TMEM230: variants seen among roughly 807,000 people sequenced by gnomAD.
The protein encoded by TMEM230 is transmembrane protein 230, also known as UPF0414 transmembrane protein C20orf30.
In TMEM230, 10 loss-of-function variants were observed where a neutral mutation model predicts 15.8. That is an observed-to-expected ratio of 0.63 (90% CI 0.39 to 1.07). TMEM230 has a LOEUF of 1.07. Ranked by LOEUF, TMEM230 falls within the 50% of genes least tolerant of loss-of-function variation. TMEM230 has a pLI of 0.01. For synonymous variants in TMEM230, 67 were observed against 76.9 expected, an observed-to-expected ratio of 0.87 and a Z score of 0.68; for missense variants, 165 against 193.3, an observed-to-expected ratio of 0.85 and a Z score of 0.87.
chr20:5,088,048 C>T (rs1240015585), intron 3 of TMEM230, among the ~76,000 whole-genome samples: 1 of 149,954 alleles, frequency 6.7e-6, no homozygotes, highest in Non-Finnish European at 1.5e-5. Flanking sequence ...GTGGCTCACG[C>T]CTGTAATCCC....
intron 3 of TMEM230, among the ~76,000 whole-genome samples, chr20:5,086,407 C>T (rs1399403796): frequency 2.0e-5 from 3 of 151,450 alleles, no homozygotes; most frequent in Non-Finnish European, 4.4e-5. Context: ...GGCGTGGTGG[C>T]GTGCGCCTGT....
intron 3 of TMEM230, among the ~76,000 whole-genome samples, chr20:5,089,103 G>A (rs2089437520): frequency 6.6e-6 from 1 of 152,146 alleles, no homozygotes; most frequent in African/African-American, 2.4e-5. Context: ...AGCTGGGTGT[G>A]GTGGCTCACG....
chr20:5,085,532 G>A (rs1158796589), intron 3 of TMEM230, among the ~76,000 whole-genome samples: 1 of 152,068 alleles, frequency 6.6e-6, no homozygotes, highest in Non-Finnish European at 1.5e-5. Context: ...CAAGTGACCT[G>A]CTCGCCTCGG....
At chr20:5,099,222 A>G (rs2089756779), downstream of TMEM230, among the ~76,000 whole-genome samples, 1 of 106,254 alleles carries the variant, frequency 9.4e-6, no homozygotes, top group Non-Finnish European at 1.8e-5. Context: ...AAATAAATAA[A>G]TAAATAAATA....
At chr20:5,089,553 T>A (rs1164439473) in intron 3 of TMEM230, among the ~76,000 whole-genome samples, 1 of 150,590 alleles carries the variant, frequency 6.6e-6, no homozygotes, top group Non-Finnish European at 1.5e-5. Flanking sequence ...ATACAAAAAT[T>A]ATCTGGGTGT....
downstream of TMEM230, among the ~76,000 whole-genome samples, chr20:5,096,369 T>C (rs55948698): frequency 1.8e-4 from 27 of 152,258 alleles, no homozygotes. Flanking sequence ...ATCCCCACTT[T>C]AGAAGGAAAC....
chr20:5,104,033 GAATT>G (rs1207705725), intron 4 of TMEM230, among the ~76,000 whole-genome samples: 1 of 152,032 alleles, frequency 6.6e-6, no homozygotes, highest in Admixed American at 6.6e-5. Flanking sequence ...ATCTGACAAG[GAATT>G]AATAACCAGA....
exon 4 of TMEM230, chr20:5,068,870 A>T (rs564861608): frequency 4.1e-6 from 1 of 244,868 alleles, no homozygotes; most frequent in Non-Finnish European, 8.0e-6. Flanking sequence ...TCTCTTCAGC[A>T]TCGCTCTCAG....
chr20:5,073,866 A>G (rs2122557054), intron 3 of TMEM230, among the ~76,000 whole-genome samples: 1 of 152,326 alleles, frequency 6.6e-6, no homozygotes. Context: ...CTGGGAATTT[A>G]TAAAGAATAG....
At chr20:5,061,081 A>G in the TMEM230 span, 6 of 152,222 alleles carry the variant, frequency 3.9e-5, no homozygotes, top group Non-Finnish European at 8.8e-5. Context: ...TAAAAAACAC[A>G]ATACAGCCTG....
In TMEM230 at chr20:5,081,888, TTTTTA is replaced by T. The variant is rs1211594698; in HGVS notation, c.223-12544_223-12540del. Among the ~76,000 whole-genome samples the T allele has an allele frequency of 2.3e-4, 35 of 149,920 alleles. 1 individual carries two copies. The highest frequency in any genetic ancestry group is 8.7e-4 in the African/African-American group (35 of 40,404). ...TCTTTTTTTTCTTTTTTTTTTTTTT[TTTTTA>T]GACAGAGTCTTGCTGTGTCACCCAG... is the stretch of plus-strand genomic sequence containing the variant. On this transcript the variant is annotated intron_variant, in intron 3 of 3. Transcript: ENST00000612323.
chr20:5,064,619 C>G (rs6038052), downstream of TMEM230, among the ~76,000 whole-genome samples: 56 of 151,942 alleles, frequency 3.7e-4, no homozygotes, highest in Non-Finnish European at 7.5e-4. Flanking sequence ...AATTTTCTAC[C>G]TAGGAGGCTG....
chr20:5,081,868 T>C (rs1304708258), intron 3 of TMEM230, among the ~76,000 whole-genome samples: 13 of 40,606 alleles, frequency 3.2e-4, no homozygotes, highest in African/African-American at 7.5e-4. Context: ...GATTTTCTTT[T>C]TTTTCTTTTT....
At chr20:5,089,575 C>T (rs1427996284) in intron 3 of TMEM230, among the ~76,000 whole-genome samples, 1 of 151,952 alleles carries the variant, frequency 6.6e-6, no homozygotes, top group African/African-American at 2.4e-5. Context: ...GTGGCACAGG[C>T]TTGTAATCCC....
At chr20:5,066,980 G>A (rs2088665116), downstream of TMEM230, among the ~76,000 whole-genome samples, 1 of 152,100 alleles carries the variant, frequency 6.6e-6, no homozygotes, top group Non-Finnish European at 1.5e-5. Context: ...GTCTTAGCTT[G>A]GGTTTACGTA....
At chr20:5,063,742 G>A (rs2088627778), downstream of TMEM230, among the ~76,000 whole-genome samples, 1 of 152,100 alleles carries the variant, frequency 6.6e-6, no homozygotes, top group Non-Finnish European at 1.5e-5. Context: ...ACATACATGT[G>A]TATTCTCTGA....
chr20:5,105,081 T>G (rs2090017419), intron 4 of TMEM230, among the ~76,000 whole-genome samples: 1 of 152,202 alleles, frequency 6.6e-6, no homozygotes, highest in South Asian at 2.1e-4. Context: ...GGTCAGGAGT[T>G]CATGACCAGC....
At chr20:5,102,688 CAAA>C (rs58106156) in intron 4 of TMEM230, among the ~76,000 whole-genome samples, 8,603 of 82,816 alleles carry the variant, frequency 0.1, 244 homozygotes, top group Non-Finnish European at 0.17. Flanking sequence ...GACCCTGTCT[CAAA>C]AAAAAAAAAA....
chr20:5,063,437 A>G (rs1395713175), downstream of TMEM230, among the ~76,000 whole-genome samples: 2 of 151,778 alleles, frequency 1.3e-5, no homozygotes, highest in Non-Finnish European at 1.5e-5. Context: ...ACAGGGGTGC[A>G]CCACCGCACC....
Sources: allele counts gnomAD v4.1 joint callset (sites outside exome capture counted in the v4.1 genomes callset), GRCh38; gene constraint gnomAD v4.1.1; transcripts MANE v1.5; gene names NCBI Gene and HGNC (gene_info 2026-07-23, HGNC 2026-07-21).